Variants in CLDN2 observed in about 807,000 individuals in gnomAD.
CLDN2 encodes claudin-2.
A neutral mutation model predicts 8.2 loss-of-function variants in CLDN2; 1 was observed. The ratio of observed to expected loss-of-function variants is 0.12; its 90% CI spans 0.04 to 0.58. The LOEUF is 0.58. Ranked by LOEUF, CLDN2 falls within the 20% of genes least tolerant of loss-of-function variation. CLDN2 has a pLI of 0.90. For missense variants in CLDN2, 108 were observed against 172.9 expected, an observed-to-expected ratio of 0.62 and a Z score of 2.11; for synonymous variants, 70 against 70.2, an observed-to-expected ratio of 1.00 and a Z score of 0.01.
intron 1 of CLDN2, chrX:106,902,196 G>T: frequency 8.4e-7 from 1 of 1,185,577 alleles, no homozygotes; most frequent in East Asian, 3.1e-5. Flanking sequence ...GACAGCCAGG[G>T]CCTCCAGAGA....
At chrX:106,912,407 TC>T (rs1305843509) in intron 1 of CLDN2, among the ~76,000 whole-genome samples, 5 of 98,365 alleles carry the variant, frequency 5.1e-5, no homozygotes, top group Admixed American at 1.0e-4. Flanking sequence ...TTTATGGAAC[TC>T]TTTTTTTTTT....
At chrX:106,915,145 A>G (rs1330715747), upstream of CLDN2, among the ~76,000 whole-genome samples, 1 of 112,682 alleles carries the variant, frequency 8.9e-6, no homozygotes, top group South Asian at 3.7e-4. Flanking sequence ...TCTTTCATTC[A>G]GCATAATACA....
rs1008068705 is a variant in CLDN2, at chrX:106,920,948, G to C, written c.-179+397G>C. 1.1e-4 allele frequency among the ~76,000 whole-genome samples: 12 copies of C among 111,552 alleles called. No individual in the cohort carries two copies. In the Admixed American group the frequency reaches 1.1e-3, roughly 11 times the overall value. On this transcript the variant is annotated intron_variant, in intron 1 of 1. Transcript: ENST00000336803. ...CTCCAGTGCCCTCCTTGGCATGAAG[G>C]CTCAGGGAGGTAGCAGAAGGTGGGT...
At chrX:106,918,696 C>T (rs1933347854), upstream of CLDN2, among the ~76,000 whole-genome samples, 1 of 112,063 alleles carries the variant, frequency 8.9e-6, no homozygotes, top group South Asian at 3.7e-4. Flanking sequence ...TGCCTGGCAC[C>T]TAGCAAGTGT....
chrX:106,909,544 C>G (rs1010810680), intron 1 of CLDN2, among the ~76,000 whole-genome samples: 1 of 112,228 alleles, frequency 8.9e-6, no homozygotes, highest in South Asian at 3.7e-4. Context: ...AGCCGGAGCC[C>G]CTGGGGTTGA....
At chrX:106,902,732 C>T (rs746164619) in intron 1 of CLDN2, among the ~76,000 whole-genome samples, 6 of 112,055 alleles carry the variant, frequency 5.4e-5, no homozygotes, top group Admixed American at 2.8e-4. Flanking sequence ...AATCTTATGG[C>T]GTGGTCAGGA....
chrX:106,930,163 A>G lies in CLDN2; in HGVS notation c.*1242A>G, dbSNP rs775069708. ...GCCCCTTCAGATTCCCCCACTGTCCATCGGAAGATGCTCCAGAGTGGCTAG... is the reference window on the plus strand; with the variant it reads ...GCCCCTTCAGATTCCCCCACTGTCCGTCGGAAGATGCTCCAGAGTGGCTAG... On this transcript the variant is annotated 3_prime_UTR_variant, in exon 2 of 2. Coordinates refer to ENST00000336803, the MANE Select transcript of CLDN2 (RefSeq NM_020384.4). 5.7e-5 allele frequency: 7 copies of G among 123,005 alleles called. No homozygotes were observed. Among genetic ancestry groups the G allele is most frequent in the African/African-American group, 2.3e-4 (7 of 30,815 alleles). 10.1% of individuals were successfully genotyped at this position (123,005 alleles called of 1,213,427 possible).
At chrX:106,920,270 C>T (rs1163660495), upstream of CLDN2, 1 of 97,093 alleles carries the variant, frequency 1.0e-5, no homozygotes, top group African/African-American at 3.8e-5. Flanking sequence ...GAGTTTTTGA[C>T]AGAAAAAAAA....
At position 106,928,701 on chromosome X, in the gene CLDN2, T is replaced by C. The variant is rs150418351; in HGVS notation, c.473T>C (p.Phe158Ser). ...CCACTGGTGCCTGACAGCATGAAAT[T>C]TGAGATTGGAGAGGCTCTTTACTTG... ...YSPLVPDSMK[F>S]EIGEALYLGI... Residue 158 changes from phenylalanine (F) to serine (S), a missense_variant, in exon 2 of 2, where the codon TTT becomes TCT. This residue lies in a region of CLDN2 where 81 missense variants were observed against 100.8 expected (regional missense o/e 0.80). Coordinates refer to ENST00000336803, the MANE Select transcript of CLDN2 (RefSeq NM_020384.4). The C allele has an allele frequency of 1.7e-6, 2 of 1,211,500 alleles. No homozygotes were observed. The highest frequency in any genetic ancestry group is 1.7e-5 in the African/African-American group (1 of 57,744).
In CLDN2 at chrX:106,900,812, G is replaced by A. The variant is rs187005190; in HGVS notation, c.-179+308G>A. On this transcript the variant is annotated intron_variant, in intron 1 of 1. Transcript: ENST00000541806. ...CTTCTTCTTCGCTGTCTGAGTCCTC[G>A]TATAGGTTGATGGTTGCCTGGACAG... 1,003 of 1,209,537 alleles carry A rather than the reference G, an allele frequency of 8.3e-4. 5 individuals are homozygous for A. The African/African-American group carries it at 0.016, about 20-fold the overall frequency.
rs929081105 is a variant in CLDN2 at position 106,926,208 on chromosome X, TGAACACAGG to T, written c.-178-1830_-178-1822del. 3.7e-4 allele frequency among the ~76,000 whole-genome samples: 41 copies of T among 111,875 alleles called. 2 individuals are homozygous for T. Among genetic ancestry groups the T allele is most frequent in the Admixed American group, 2.5e-3 (26 of 10,579 alleles). ...GTGGATGGATAGAGGTATCATTCAG[TGAACACAGG>T]GAACACAGGGAAGAACTGTTTGGGG... On this transcript the variant is annotated intron_variant, in intron 1 of 1. Transcript: ENST00000336803.
At chrX:106,919,116 G>T (rs1933353198), upstream of CLDN2, among the ~76,000 whole-genome samples, 2 of 112,097 alleles carry the variant, frequency 1.8e-5, no homozygotes, top group African/African-American at 6.5e-5. Flanking sequence ...GTAGTTCTGT[G>T]TTTTAATTGA....
chrX:106,925,999 T>C (rs1240889718), intron 1 of CLDN2, among the ~76,000 whole-genome samples: 2 of 111,216 alleles, frequency 1.8e-5, no homozygotes, highest in Non-Finnish European at 3.8e-5. Flanking sequence ...AAAGCAAAAT[T>C]CGGTCTCAAA....
In CLDN2 at chrX:106,930,671, A is replaced by C. The variant is rs1169752336; in HGVS notation, c.*1750A>C. On this transcript the variant is annotated 3_prime_UTR_variant, in exon 2 of 2. Transcript: ENST00000336803. The stretch of plus-strand genomic sequence containing the variant: ...TCCCTCCCCCAACCCTCAATGTATA[A>C]ATTGCTTCTTGATGCTTAGCATTCA... The C allele has an allele frequency of 1.6e-5, 2 of 122,207 alleles. No individual in the cohort carries two copies. Among genetic ancestry groups the C allele is most frequent in the African/African-American group, 3.3e-5 (1 of 30,438 alleles). 10.1% of individuals were successfully genotyped at this position (122,207 alleles called of 1,213,427 possible). A position where few individuals can be genotyped will look rare whatever the true frequency, so the allele number is the denominator to read the frequency against.
At position 106,928,228 on chromosome X, in the gene CLDN2, C is replaced by G. The variant is rs1933496899; in HGVS notation, c.-1C>G. On this transcript the variant is annotated 5_prime_UTR_variant, in exon 2 of 2. Coordinates refer to ENST00000336803, the MANE Select transcript of CLDN2 (RefSeq NM_020384.4). ...AAGACGCTTCTACTGAGAGGTCTGC[C>G]ATGGCCTCTCTTGGCCTCCAACTTG... 8.3e-7 allele frequency: 1 copy of G among 1,203,331 alleles called. No homozygotes were observed. Among genetic ancestry groups the G allele is most frequent in the African/African-American group, 1.7e-5 (1 of 57,786 alleles).
intron 1 of CLDN2, among the ~76,000 whole-genome samples, chrX:106,903,636 G>A (rs960986228): frequency 8.9e-6 from 1 of 111,809 alleles, no homozygotes; most frequent in Non-Finnish European, 1.9e-5. Flanking sequence ...GGGAAGGAGA[G>A]GAGCTCATTA....
upstream of CLDN2, among the ~76,000 whole-genome samples, chrX:106,916,072 G>GA (rs760818668): frequency 2.8e-3 from 219 of 77,151 alleles, no homozygotes; most frequent in Middle Eastern, 6.4e-3. Context: ...GTTGAATTAA[G>GA]AAAAAAAAAA....
chrX:106,924,836 C>T (rs1004337298), intron 1 of CLDN2, among the ~76,000 whole-genome samples: 1 of 103,755 alleles, frequency 9.6e-6, no homozygotes, highest in Non-Finnish European at 2.0e-5. Flanking sequence ...TCTTTCCCAA[C>T]GTTGGGCAGC....
chrX:106,927,372 GCTCCCT>G (rs1933483616), intron 1 of CLDN2, among the ~76,000 whole-genome samples: 1 of 111,114 alleles, frequency 9.0e-6, no homozygotes, highest in Non-Finnish European at 1.9e-5. Context: ...GTTCCAGAGT[GCTCCCT>G]CATCATCCAA....
Sources: gnomAD v4.1 joint callset for allele counts (sites outside exome capture counted in the v4.1 genomes callset) on GRCh38, gnomAD v4.1.1 for gene constraint, gnomAD v4.1.1 regional missense constraint, MANE v1.5 for transcripts, NCBI Gene and HGNC (gene_info 2026-07-23, HGNC 2026-07-21) for gene names.